Variants in SLCO6A1 observed in about 807,000 individuals in gnomAD.
SLCO6A1 encodes the protein solute carrier organic anion transporter family member 6A1.
In SLCO6A1, 65 loss-of-function variants were observed where a neutral mutation model predicts 72.7. The ratio of observed to expected loss-of-function variants is 0.89; its 90% CI spans 0.73 to 1.10. The LOEUF is 1.10. Among genes scored for constraint, SLCO6A1 ranks in the 50% least tolerant of loss-of-function variants. The pLI is 0.00. For missense variants in SLCO6A1, 874 were observed against 872.6 expected (o/e 1.00, Z -0.02); for synonymous variants, 314 against 298.2 (o/e 1.05, Z -0.55).
chr5:102,465,314 GATATATAT>G (rs10607474), intron 4 of SLCO6A1, among the ~76,000 whole-genome samples: 1 of 149,216 alleles, frequency 6.7e-6, no homozygotes, highest in Non-Finnish European at 1.5e-5. Flanking sequence ...GGAGTTAGTG[GATATATAT>G]ATATATATAT....
chr5:102,481,322 C>A (rs1450498980), intron 1 of SLCO6A1, among the ~76,000 whole-genome samples: 1 of 152,108 alleles, frequency 6.6e-6, no homozygotes, highest in African/African-American at 2.4e-5. Flanking sequence ...GTGCCAGAGC[C>A]CATGGGCTCT....
chr5:102,496,129 C>T (rs1752899786), intron 1 of SLCO6A1, among the ~76,000 whole-genome samples: 1 of 152,156 alleles, frequency 6.6e-6, no homozygotes, highest in Admixed American at 6.5e-5. Context: ...GAGAGTGTCT[C>T]ACTTTGGGAA....
chr5:102,399,494 T>C, intron 10 of SLCO6A1, 61 bp downstream of exon 10: 1 of 1,101,916 alleles, frequency 9.1e-7, no homozygotes, highest in African/African-American at 1.6e-5. Flanking sequence ...TTCTAAAATC[T>C]TTCCAAAATT....
intron 10 of SLCO6A1, among the ~76,000 whole-genome samples, chr5:102,395,379 T>G (rs1747014080): frequency 6.6e-6 from 1 of 152,182 alleles, no homozygotes; most frequent in Non-Finnish European, 1.5e-5. Context: ...CTCATCCTTT[T>G]TTATGGCTGC....
At chr5:102,372,176 G>C (rs917352941) in intron 13 of SLCO6A1, 53 bp from the exon 14 acceptor site, 2 of 151,956 alleles carry the variant, frequency 1.3e-5, no homozygotes, top group African/African-American at 4.8e-5. Flanking sequence ...TTTACATGAA[G>C]ACTAGTTTAT....
intron 9 of SLCO6A1, among the ~76,000 whole-genome samples, chr5:102,400,464 CA>C (rs1388680026): frequency 6.6e-6 from 1 of 152,014 alleles, no homozygotes; most frequent in East Asian, 1.9e-4. Flanking sequence ...CAATGAGATT[CA>C]TACTGCAGTC....
At chr5:102,435,350 T>G (rs1392094621) in intron 7 of SLCO6A1, among the ~76,000 whole-genome samples, 2 of 152,116 alleles carry the variant, frequency 1.3e-5, no homozygotes, top group African/African-American at 4.8e-5. Context: ...AAATATATAA[T>G]TAGTATTTAT....
intron 1 of SLCO6A1, among the ~76,000 whole-genome samples, chr5:102,484,473 AC>A (rs1361763858): frequency 6.6e-6 from 1 of 152,026 alleles, no homozygotes; most frequent in African/African-American, 2.4e-5. Context: ...ACATGGTGAA[AC>A]CCTGTATCTA....
At chr5:102,409,190 C>A (rs566031467) in intron 9 of SLCO6A1, among the ~76,000 whole-genome samples, 1 of 152,210 alleles carries the variant, frequency 6.6e-6, no homozygotes, top group South Asian at 2.1e-4. Context: ...CAGCAGATAT[C>A]TATTTTCAGT....
chr5:102,381,775 G>A (rs919898781), intron 12 of SLCO6A1, among the ~76,000 whole-genome samples: 4 of 147,394 alleles, frequency 2.7e-5, no homozygotes, highest in Middle Eastern at 3.5e-3. Context: ...CAGATGTGAG[G>A]TGATATCTCA....
intron 7 of SLCO6A1, among the ~76,000 whole-genome samples, chr5:102,435,474 T>C (rs1185838600): frequency 1.3e-5 from 2 of 152,076 alleles, no homozygotes; most frequent in African/African-American, 2.4e-5. Context: ...ACAGAAACAA[T>C]GTAGAATCCA....
intron 1 of SLCO6A1, among the ~76,000 whole-genome samples, chr5:102,496,662 G>A (rs1357967374): frequency 1.3e-5 from 2 of 152,066 alleles, no homozygotes; most frequent in African/African-American, 4.8e-5. Context: ...CATAATCTAG[G>A]CATAATCTGT....
At chr5:102,439,803 T>C (rs920057895) in intron 6 of SLCO6A1, among the ~76,000 whole-genome samples, 2 of 152,182 alleles carry the variant, frequency 1.3e-5, no homozygotes, top group Admixed American at 1.3e-4. Context: ...ATGTATCAGG[T>C]TACACTAAAA....
At chr5:102,462,827 G>C (rs1006533485) in intron 4 of SLCO6A1, among the ~76,000 whole-genome samples, 3 of 152,048 alleles carry the variant, frequency 2.0e-5, no homozygotes, top group African/African-American at 4.8e-5. Flanking sequence ...AAAACTTCTA[G>C]AAAATAACAT....
At chr5:102,386,616 C>T (rs10067136) in intron 12 of SLCO6A1, among the ~76,000 whole-genome samples, 34,540 of 152,018 alleles carry the variant, frequency 0.23, 4,470 homozygotes, top group Middle Eastern at 0.28. Context: ...CTGCAAGTTC[C>T]CAGCCCAGTG....
chr5:102,410,695 C>T (rs1280074246), intron 9 of SLCO6A1, among the ~76,000 whole-genome samples: 1 of 152,110 alleles, frequency 6.6e-6, no homozygotes, highest in Non-Finnish European at 1.5e-5. Flanking sequence ...ATAAGGGATT[C>T]TGATGGTAAT....
In SLCO6A1 at chr5:102,466,073, T is replaced by C. The variant is rs1170553201; in HGVS notation, c.900-6296A>G. ...TATAAGCGCAGGATGTGGAGGTTTG[T>C]TAAATAAGTAAATGTGTGTCAGGGG... On this transcript the variant is annotated intron_variant, in intron 4 of 13. Coordinates refer to ENST00000506729, the MANE Select transcript of SLCO6A1 (RefSeq NM_173488.5). 2.0e-5 allele frequency among the ~76,000 whole-genome samples: 3 copies of C among 152,244 alleles called. No individual in the cohort carries two copies. The East Asian group carries it at 5.8e-4, about 29-fold the overall frequency.
chr5:102,488,440 A>C (rs964290909), intron 1 of SLCO6A1, among the ~76,000 whole-genome samples: 9 of 152,238 alleles, frequency 5.9e-5, no homozygotes, highest in African/African-American at 2.2e-4. Flanking sequence ...ATGTTAAGAT[A>C]CACTTGAACA....
chr5:102,383,996 T>A (rs1230796708), intron 12 of SLCO6A1, among the ~76,000 whole-genome samples: 1 of 151,958 alleles, frequency 6.6e-6, no homozygotes, highest in East Asian at 1.9e-4. Flanking sequence ...AGTCTCATGA[T>A]CCTTTTTATT....
Sources: allele counts gnomAD v4.1 joint callset (sites outside exome capture counted in the v4.1 genomes callset), GRCh38; gene constraint gnomAD v4.1.1; transcripts MANE v1.5; gene names NCBI Gene and HGNC (gene_info 2026-07-23, HGNC 2026-07-21).